SDK1: variants seen among roughly 807,000 people sequenced by gnomAD.
SDK1 encodes the protein protein sidekick-1.
A neutral mutation model predicts 245.5 loss-of-function variants in SDK1; 157 were observed. The ratio of observed to expected loss-of-function variants is 0.64; its 90% CI spans 0.56 to 0.73. The LOEUF is 0.73. Among genes scored for constraint, SDK1 ranks in the 30% least tolerant of loss-of-function variants. The pLI, the probability that SDK1 is intolerant of heterozygous loss-of-function variation, is 0.00. For synonymous variants in SDK1, 1,647 were observed against 1,278.5 expected, an observed-to-expected ratio of 1.29 and a Z score of -6.15; for missense variants, 3,583 against 3,002.3, an observed-to-expected ratio of 1.19 and a Z score of -4.52.
At position 3,974,511 on chromosome 7, in the gene SDK1, G is replaced by T; in HGVS notation, c.1960G>T (p.Gly654Trp). The T allele has an allele frequency of 6.2e-7, 1 of 1,614,184 alleles. No homozygotes were observed. Among genetic ancestry groups the T allele is most frequent in the Non-Finnish European group, 8.5e-7 (1 of 1,180,040 alleles). ...DYSCEIVSEG[G>W]NDSRMARLEV... is the part of the protein sequence containing the mutation. The stretch of plus-strand genomic sequence containing the variant: ...CAGCTGCGAGATTGTTTCTGAAGGA[G>T]GGAATGACTCCAGGATGGCCCGGCT... Residue 654 changes from glycine to tryptophan, a missense_variant, in exon 13 of 45, where the codon GGG (glycine) becomes TGG (tryptophan). Coordinates refer to ENST00000404826, the MANE Select transcript of SDK1 (RefSeq NM_152744.4).
chr7:3,344,297 C>A (rs193132511), intron 1 of SDK1, among the ~76,000 whole-genome samples: 1 of 152,166 alleles, frequency 6.6e-6, no homozygotes, highest in Non-Finnish European at 1.5e-5. Flanking sequence ...GTATACAGTT[C>A]AGTAGCATCA....
Position 4,263,463 on chromosome 7 carries a change from TGAGTG to T in SDK1, c.6382-1660_6382-1656del, listed in dbSNP as rs1313530744. Among the ~76,000 whole-genome samples the T allele has an allele frequency of 6.1e-5, 9 of 148,038 alleles. No individual in the cohort carries two copies. In the South Asian group the frequency reaches 2.0e-3, roughly 32 times the overall value. ...GTGGGGAGGCCGCGTAGACCTCTCT[TGAGTG>T]AGGGAGTCCGCGTAGATCTCTCCTG... On this transcript the variant is annotated intron_variant, in intron 44 of 44. Coordinates refer to ENST00000404826, the MANE Select transcript of SDK1 (RefSeq NM_152744.4).
intron 1 of SDK1, among the ~76,000 whole-genome samples, chr7:3,486,392 G>C (rs1781695021): frequency 6.6e-6 from 1 of 151,816 alleles, no homozygotes; most frequent in South Asian, 2.1e-4. Context: ...TGGTATTTTT[G>C]TTTGGTTTTC....
At chr7:4,005,678 C>T (rs73040451) in intron 14 of SDK1, among the ~76,000 whole-genome samples, 41,780 of 151,954 alleles carry the variant, frequency 0.27, 6,003 homozygotes, top group African/African-American at 0.34. Flanking sequence ...CACTTCCAGG[C>T]GGCAAACTGC....
At chr7:4,044,530 A>G (rs1424884931) in intron 17 of SDK1, among the ~76,000 whole-genome samples, 1 of 152,156 alleles carries the variant, frequency 6.6e-6, no homozygotes, top group Admixed American at 6.5e-5. Context: ...GGTAACCTCA[A>G]ACTCCTGGGC....
At chr7:3,330,193 T>C (rs1780034364) in intron 1 of SDK1, among the ~76,000 whole-genome samples, 1 of 152,234 alleles carries the variant, frequency 6.6e-6, no homozygotes, top group Admixed American at 6.5e-5. Flanking sequence ...TTTTCATTTC[T>C]CTTGGGTATG....
intron 4 of SDK1, among the ~76,000 whole-genome samples, chr7:3,667,495 T>C (rs1413848584): frequency 1.3e-5 from 2 of 152,202 alleles, no homozygotes; most frequent in African/African-American, 4.8e-5. Flanking sequence ...TTTTGATATA[T>C]AGCTTGATGA....
chr7:3,978,653 A>G (rs1331759798), intron 13 of SDK1, among the ~76,000 whole-genome samples: 2 of 152,174 alleles, frequency 1.3e-5, no homozygotes, highest in Non-Finnish European at 2.9e-5. Flanking sequence ...TAGAATGATA[A>G]TAATAATAAC....
intron 42 of SDK1, among the ~76,000 whole-genome samples, chr7:4,241,020 A>G (rs549691878): frequency 6.6e-6 from 1 of 152,276 alleles, no homozygotes; most frequent in African/African-American, 2.4e-5. Flanking sequence ...ACCCAGTGCA[A>G]TTATTTTTTA....
chr7:4,237,687 C>G lies in SDK1; in HGVS notation c.6033C>G (p.Leu2011=), dbSNP rs142445415. ...EAPFYEEWWF[L]LVMALSSLIV... ...CATTCTACGAGGAGTGGTGGTTCCT[C>G]CTGGTGATGGCTCTGTCCAGCCTGA... is the stretch of plus-strand genomic sequence containing the variant. The change falls in exon 42 of 45, where the codon CTC becomes CTG. Residue 2011 remains leucine (L), a synonymous_variant. Transcript: ENST00000404826. 6.2e-7 allele frequency: 1 copy of G among 1,614,018 alleles called. No homozygotes were observed. Among genetic ancestry groups the G allele is most frequent in the East Asian group, 2.2e-5 (1 of 44,876 alleles).
At chr7:3,885,564 T>A (rs1781318115) in intron 5 of SDK1, among the ~76,000 whole-genome samples, 1 of 152,196 alleles carries the variant, frequency 6.6e-6, no homozygotes, top group Non-Finnish European at 1.5e-5. Context: ...ACCACCTGGC[T>A]GCGGCTCCCA....
chr7:3,323,723 C>A, intron 1 of SDK1, among the ~76,000 whole-genome samples: 1 of 152,206 alleles, frequency 6.6e-6, no homozygotes, highest in East Asian at 1.9e-4. Flanking sequence ...TCAGGTCCAC[C>A]TTAATTATTT....
In SDK1 at chr7:4,225,306, A is replaced by G. The variant is rs534936596; in HGVS notation, c.5827+3942A>G. 2.6e-5 allele frequency among the ~76,000 whole-genome samples: 4 copies of G among 152,110 alleles called. No individual in the cohort carries two copies. The South Asian group carries it at 8.3e-4, about 32-fold the overall frequency. On this transcript the variant is annotated intron_variant, in intron 40 of 44. Transcript: ENST00000404826. ...GGGACTCTTCAACTACCTCAAAATG[A>G]TATGTTTAGCGTCAAGTAATCATTG...
intron 1 of SDK1, among the ~76,000 whole-genome samples, chr7:3,530,184 T>A (rs1344670842): frequency 1.3e-5 from 2 of 151,996 alleles, no homozygotes; most frequent in Non-Finnish European, 2.9e-5. Context: ...TAGCAGTGAG[T>A]TTATTTGCAC....
At chr7:3,873,880 T>C (rs373675508) in intron 5 of SDK1, among the ~76,000 whole-genome samples, 21 of 152,234 alleles carry the variant, frequency 1.4e-4, no homozygotes, top group East Asian at 5.8e-4. Flanking sequence ...CTTTAACATA[T>C]TAGCTATAGT....
intron 5 of SDK1, among the ~76,000 whole-genome samples, chr7:3,877,357 T>C (rs1319404908): frequency 2.6e-5 from 4 of 152,174 alleles, no homozygotes; most frequent in Admixed American, 6.5e-5. Flanking sequence ...TCCTTGCACA[T>C]AGTAGGCCCT....
At chr7:4,126,131 C>A (rs80332778) in intron 25 of SDK1, among the ~76,000 whole-genome samples, 1 of 152,156 alleles carries the variant, frequency 6.6e-6, no homozygotes, top group African/African-American at 2.4e-5. Context: ...TGAAGTATGG[C>A]GGGATCTTCA....
At chr7:3,531,474 C>A (rs1206792370) in intron 1 of SDK1, among the ~76,000 whole-genome samples, 1 of 152,136 alleles carries the variant, frequency 6.6e-6, no homozygotes, top group Non-Finnish European at 1.5e-5. Context: ...GACTTTTTCA[C>A]TGAGACCCCA....
chr7:3,561,694 A>G, intron 1 of SDK1, among the ~76,000 whole-genome samples: 1 of 152,154 alleles, frequency 6.6e-6, no homozygotes, highest in South Asian at 2.1e-4. Context: ...TGGCCTTCCC[A>G]TTTTAACATT....
Sources: gnomAD v4.1 joint callset for allele counts (sites outside exome capture counted in the v4.1 genomes callset) on GRCh38, gnomAD v4.1.1 for gene constraint, MANE v1.5 for transcripts, NCBI Gene and HGNC (gene_info 2026-07-23, HGNC 2026-07-21) for gene names.